The following BCAS3 variants were observed in gnomAD, a reference collection of about 807,000 sequenced individuals.
BCAS3 encodes the protein BCAS4/BCAS3 fusion.
Under a neutral mutation model 116.1 loss-of-function variants are expected in BCAS3, and 53 were observed. The observed-to-expected ratio is 0.46, with a 90% CI of 0.37 to 0.57. The LOEUF (loss-of-function observed/expected upper bound fraction) is 0.57. Among genes scored for constraint, BCAS3 ranks in the 20% least tolerant of loss-of-function variants. The pLI is 0.00. For missense variants in BCAS3, 917 were observed against 1,165.4 expected (o/e 0.79, Z 3.10); for synonymous variants, 391 against 408.2 (o/e 0.96, Z 0.51).
rs1341900421 is a variant in BCAS3 at position 61,233,653 on chromosome 17, A to G, written c.2426-134674A>G. On this transcript the variant is annotated intron_variant, in intron 22 of 23. Transcript: ENST00000407086. The surrounding 1 kb of genome is among the most constrained non-coding windows in gnomAD (Gnocchi z 4.3). The stretch of plus-strand genomic sequence containing the variant: ...CACTGAGGGACCTTGGATAAGTCAC[A>G]ATCTTCCTGTCTCATGTTTCTTTTA... Among the ~76,000 whole-genome samples the G allele has an allele frequency of 1.3e-5, 2 of 152,194 alleles. No homozygotes were observed. Among genetic ancestry groups the G allele is most frequent in the Non-Finnish European group, 1.5e-5 (1 of 68,028 alleles).
chr17:61,121,542 A>C (rs1019700501), intron 22 of BCAS3, among the ~76,000 whole-genome samples: 2 of 152,218 alleles, frequency 1.3e-5, no homozygotes, highest in African/African-American at 4.8e-5. Context: ...ATGAAAAATT[A>C]TGCAGTTGTG....
At position 61,077,378 on chromosome 17, in the gene BCAS3, G is replaced by A. The variant is rs903338036; in HGVS notation, c.2131-955G>A. Among the ~76,000 whole-genome samples, 18 of 152,180 alleles carry A rather than the reference G, an allele frequency of 1.2e-4. No homozygotes were observed. The highest frequency in any genetic ancestry group is 7.8e-4 in the Admixed American group (12 of 15,300). ...TAAAAATACAAAAAATTAGCCGGGC[G>A]TGGTGGCGGGCGCCTGTAGTCCCAG... On this transcript the variant is annotated intron_variant, in intron 20 of 23. Transcript: ENST00000407086. The surrounding 1 kb of genome is among the most constrained non-coding windows in gnomAD (Gnocchi z 4.3).
Position 60,964,499 on chromosome 17 carries a change from T to A in BCAS3, c.1221+17147T>A, listed in dbSNP as rs2061561075. 6.6e-6 allele frequency among the ~76,000 whole-genome samples: 1 copy of A among 152,206 alleles called. No individual in the cohort carries two copies. The highest frequency in any genetic ancestry group is 2.1e-4 in the South Asian group (1 of 4,834). ...CGGATATTGGCCTGTAGTTTTCTTT[T>A]CTTGTTGTCGTGTCCTTATCTGATT... On this transcript the variant is annotated intron_variant, in intron 14 of 23. Transcript: ENST00000407086. This position sits in a 1 kb window ranked among gnomAD's most constrained non-coding sequence, Gnocchi z 4.6.
At position 61,204,672 on chromosome 17, in the gene BCAS3, C is replaced by T. The variant is rs2081025208; in HGVS notation, c.2425+120108C>T. 6.6e-6 allele frequency among the ~76,000 whole-genome samples: 1 copy of T among 152,002 alleles called. No individual in the cohort carries two copies. The highest frequency in any genetic ancestry group is 1.5e-5 in the Non-Finnish European group (1 of 68,020). On this transcript the variant is annotated intron_variant, in intron 22 of 23. Coordinates refer to ENST00000407086, the MANE Select transcript of BCAS3 (RefSeq NM_017679.5). The surrounding 1 kb of genome is among the most constrained non-coding windows in gnomAD (Gnocchi z 4.2). ...TTTCGTTTTTCTTTAAATCTCATTCCCATTAATTGCTCAGTCTTTACCTTG... is the reference window on the plus strand; with the variant it reads ...TTTCGTTTTTCTTTAAATCTCATTCTCATTAATTGCTCAGTCTTTACCTTG...
intron 15 of BCAS3, among the ~76,000 whole-genome samples, chr17:61,011,806 T>G (rs2065128949): frequency 6.6e-6 from 1 of 152,026 alleles, no homozygotes; most frequent in Non-Finnish European, 1.5e-5. Context: ...ACCAAAGATT[T>G]TAACAATAGG....
At chr17:61,373,604 T>A (rs546660054) in intron 23 of BCAS3, among the ~76,000 whole-genome samples, 3 of 149,016 alleles carry the variant, frequency 2.0e-5, no homozygotes, top group African/African-American at 7.4e-5. Flanking sequence ...TGTGCCAACA[T>A]GCCCAGCTAA....
intron 7 of BCAS3, among the ~76,000 whole-genome samples, chr17:60,831,690 A>T (rs187643025): frequency 1.6e-4 from 24 of 151,246 alleles, no homozygotes; most frequent in Admixed American, 7.2e-4. Flanking sequence ...GCTTTTGGAG[A>T]GACTAATGCA....
chr17:60,706,801 T>C (rs2037200304), intron 4 of BCAS3, among the ~76,000 whole-genome samples: 1 of 145,154 alleles, frequency 6.9e-6, no homozygotes, highest in Non-Finnish European at 1.5e-5. Flanking sequence ...ACTTACACTA[T>C]ACTTTTTTTT....
At chr17:61,353,016 A>G (rs970129213) in intron 22 of BCAS3, among the ~76,000 whole-genome samples, 4 of 152,328 alleles carry the variant, frequency 2.6e-5, no homozygotes, top group East Asian at 3.9e-4. Flanking sequence ...GCTGAAGGCA[A>G]TTTGAGGATT....
intron 4 of BCAS3, among the ~76,000 whole-genome samples, chr17:60,690,959 G>C (rs865875895): frequency 1.3e-5 from 2 of 150,846 alleles, no homozygotes; most frequent in East Asian, 1.9e-4. Flanking sequence ...ACAAAAGGGA[G>C]TCTCACTCTG....
chr17:61,082,640 T>C lies in BCAS3; in HGVS notation c.2328-1827T>C, dbSNP rs2072720420. Among the ~76,000 whole-genome samples the C allele has an allele frequency of 6.6e-6, 1 of 152,232 alleles. No homozygotes were observed. Among genetic ancestry groups the C allele is most frequent in the African/African-American group, 2.4e-5 (1 of 41,460 alleles). ...TGACCATATCTAAGAGGCTAGCTTT[T>C]TGTTGCTCTCAAGAACAAGGAAACT... On this transcript the variant is annotated intron_variant, in intron 21 of 23. Coordinates refer to ENST00000407086, the MANE Select transcript of BCAS3 (RefSeq NM_017679.5). This position sits in a 1 kb window ranked among gnomAD's most constrained non-coding sequence, Gnocchi z 5.1.
intron 22 of BCAS3, among the ~76,000 whole-genome samples, chr17:61,150,527 T>C (rs1245481239): frequency 6.6e-6 from 1 of 152,228 alleles, no homozygotes; most frequent in African/African-American, 2.4e-5. Context: ...CTCTGCTTGT[T>C]CTAGAAATAG....
intron 22 of BCAS3, among the ~76,000 whole-genome samples, chr17:61,216,535 A>ATTTTATTTTATTTTG (rs150838309): frequency 8.6e-5 from 13 of 150,752 alleles, no homozygotes; most frequent in Non-Finnish European, 3.0e-5. Flanking sequence ...ATTTTATTTT[A>ATTTTATTTTATTTTG]TTTTATTTTA....
At chr17:60,855,907 C>T (rs988656372) in intron 7 of BCAS3, among the ~76,000 whole-genome samples, 1 of 152,114 alleles carries the variant, frequency 6.6e-6, no homozygotes, top group African/African-American at 2.4e-5. Context: ...GTCTCGAACT[C>T]CTGAGCTCAA....
At chr17:60,863,518 G>T (rs1327459421) in intron 7 of BCAS3, among the ~76,000 whole-genome samples, 2 of 151,880 alleles carry the variant, frequency 1.3e-5, no homozygotes, top group African/African-American at 2.4e-5. Flanking sequence ...GAGGTAAGGT[G>T]GGGGGCTTGC....
Position 60,924,459 on chromosome 17 carries a change from C to T in BCAS3, c.1046C>T (p.Ala349Val), listed in dbSNP as rs748056472. The T allele has an allele frequency of 3.0e-5, 48 of 1,612,836 alleles. No individual in the cohort carries two copies. The highest frequency in any genetic ancestry group is 4.0e-5 in the Non-Finnish European group (47 of 1,179,758). The change falls in exon 13 of 24, where the codon GCC (alanine) becomes GTC (valine). Residue 349 changes from alanine (A) to valine (V), a missense_variant. By Grantham distance (64) the Ala-to-Val change is moderately conservative. This residue lies in a region of BCAS3 where 807 missense variants were observed against 1,026.0 expected (regional missense o/e 0.79). Coordinates refer to ENST00000407086, the MANE Select transcript of BCAS3 (RefSeq NM_017679.5). ...DSDGIVAHFP[A>V]HEKPVCCMAF... is the part of the protein sequence containing the mutation. The stretch of plus-strand genomic sequence containing the variant: ...GATGGCATTGTGGCCCACTTCCCTG[C>T]CCATGAGAAGCCAGTGTGCTGCATG...
In BCAS3 at chr17:61,222,562, G is replaced by T. The variant is rs9894675; in HGVS notation, c.2425+137998G>T. 4.4e-3 allele frequency among the ~76,000 whole-genome samples: 670 copies of T among 152,310 alleles called. 8 individuals are homozygous for T. The highest frequency in any genetic ancestry group is 0.015 in the African/African-American group (627 of 41,576). ...TGGATCTCCCCTGGTACATTTTTCT[G>T]TGAAATCTCAGGCTCCTGCCTCATG... On this transcript the variant is annotated intron_variant, in intron 22 of 23. Transcript: ENST00000407086. This position sits in a 1 kb window ranked among gnomAD's most constrained non-coding sequence, Gnocchi z 6.1.
rs1037372055 is a variant in BCAS3, at chr17:61,128,667, G to C, written c.2425+44103G>C. ...GTTAGCCCTCTTTTGTATTGTTTCT[G>C]CATCGTCCTGTCAAACATCTGGAAA... On this transcript the variant is annotated intron_variant, in intron 22 of 23. Coordinates refer to ENST00000407086, the MANE Select transcript of BCAS3 (RefSeq NM_017679.5). The surrounding 1 kb of genome is among the most constrained non-coding windows in gnomAD (Gnocchi z 4.1). 3.3e-6 allele frequency: 3 copies of C among 898,118 alleles called. No homozygotes were observed. The highest frequency in any genetic ancestry group is 4.0e-6 in the Non-Finnish European group (3 of 750,804). 55.6% of individuals were successfully genotyped at this position (898,118 alleles called of 1,614,324 possible).
chr17:60,900,819 C>A (rs1359983690), intron 10 of BCAS3, among the ~76,000 whole-genome samples: 1 of 151,718 alleles, frequency 6.6e-6, no homozygotes, highest in African/African-American at 2.4e-5. Flanking sequence ...AACCAAGATA[C>A]AAATGTAATT....
Sources: allele counts gnomAD v4.1 joint callset (sites outside exome capture counted in the v4.1 genomes callset), GRCh38; gene constraint gnomAD v4.1.1; regional missense constraint gnomAD v4.1.1; non-coding constraint Gnocchi (gnomAD v3.1); transcripts MANE v1.5; gene names NCBI Gene and HGNC (gene_info 2026-07-23, HGNC 2026-07-21).